The following TET3 variants were observed in gnomAD, a reference collection of about 807,000 sequenced individuals.
TET3 encodes the protein tet methylcytosine dioxygenase 3.
In TET3, 19 loss-of-function variants were observed where a neutral mutation model predicts 141.4. The observed-to-expected ratio is 0.13, with a 90% CI of 0.09 to 0.20. The LOEUF (loss-of-function observed/expected upper bound fraction) is 0.20, where lower values mean the gene tolerates loss of function less well. TET3 is among the 10% of genes least tolerant of loss of function. TET3 has a pLI of 1.00. For missense variants in TET3, 1,874 were observed against 2,356.9 expected, an observed-to-expected ratio of 0.80 and a Z score of 4.24; for synonymous variants, 1,043 against 980.9, an observed-to-expected ratio of 1.06 and a Z score of -1.18.
chr2:74,092,970 C>T lies in TET3; in HGVS notation c.3108C>T (p.Ala1036=). The T allele has an allele frequency of 1.3e-6, 2 of 1,577,414 alleles. No individual in the cohort carries two copies. The highest frequency in any genetic ancestry group is 1.7e-6 in the Non-Finnish European group (2 of 1,161,638). The change falls in exon 9 of 12, where the codon GCC becomes GCT. Residue 1036 remains alanine (A), a synonymous_variant. Coordinates refer to ENST00000409262, the MANE Select transcript of TET3 (RefSeq NM_001287491.2). ...TEVAPLYKRL[A]PQAYQNQVTN... is the part of the protein sequence containing the mutation. ...TCGCTCCCCTGTACAAGCGACTGGC[C>T]CCTCAGGCCTATCAGAACCAGGTAA... is the stretch of plus-strand genomic sequence containing the variant.
chr2:74,107,832 G>A lies in TET3; in HGVS notation c.*5656G>A, dbSNP rs983839276. The A allele has an allele frequency of 1.3e-5, 2 of 152,188 alleles. No individual in the cohort carries two copies. Among genetic ancestry groups the A allele is most frequent in the Non-Finnish European group, 2.9e-5 (2 of 68,016 alleles). 9.4% of individuals were successfully genotyped at this position (152,188 alleles called of 1,614,324 possible). A position where few individuals can be genotyped will look rare whatever the true frequency, so the allele number is the denominator to read the frequency against. ...GTTGATGGATGAATGGTAGATTTTT[G>A]CAATGTCTCAAGGCAATAGGATGTG... On this transcript the variant is annotated 3_prime_UTR_variant, in exon 12 of 12. Transcript: ENST00000409262.
intron 3 of TET3, among the ~76,000 whole-genome samples, chr2:74,013,303 A>AT (rs902056464): frequency 1.4e-4 from 21 of 151,582 alleles, no homozygotes; most frequent in African/African-American, 3.9e-4. Context: ...CTGATGGGGT[A>AT]TTTTTTTAAC....
At chr2:73,991,805 C>CAAAAAAAA (rs772400180) in intron 2 of TET3, among the ~76,000 whole-genome samples, 3 of 79,620 alleles carry the variant, frequency 3.8e-5, no homozygotes, top group African/African-American at 1.4e-4. Flanking sequence ...AACTCTGTCT[C>CAAAAAAAA]AAAAAAAAAA....
chr2:74,013,752 C>A (rs1685589733), intron 3 of TET3, among the ~76,000 whole-genome samples: 1 of 152,048 alleles, frequency 6.6e-6, no homozygotes, highest in Non-Finnish European at 1.5e-5. Flanking sequence ...GCGGAGCTTG[C>A]AGTGAGCCGA....
At chr2:74,003,187 CGTGTGT>C (rs1558701412) in intron 3 of TET3, 21 bp downstream of exon 3, 3 of 1,233,554 alleles carry the variant, frequency 2.4e-6, no homozygotes, top group Non-Finnish European at 3.4e-6. Context: ...TGTGTGCGTG[CGTGTGT>C]GTGCGTGTGT....
At position 74,100,691 on chromosome 2, in the gene TET3, G is replaced by C; in HGVS notation, c.3903G>C (p.Leu1301=). The C allele has an allele frequency of 6.2e-7, 1 of 1,614,006 alleles. No individual in the cohort carries two copies. Among genetic ancestry groups the C allele is most frequent in the Non-Finnish European group, 8.5e-7 (1 of 1,179,894 alleles). The change falls in exon 12 of 12, where the codon CTG becomes CTC. Residue 1301 remains leucine (L), a synonymous_variant. Coordinates refer to ENST00000409262, the MANE Select transcript of TET3 (RefSeq NM_001287491.2). ...SSNPVFPSQF[L]GPGAWGHSGS... ...ACCCCGTCTTCCCCTCTCAGTTCCTGGGTCCTGGTGCCTGGGGGCACAGTG... is the reference window on the plus strand; with the variant it reads ...ACCCCGTCTTCCCCTCTCAGTTCCTCGGTCCTGGTGCCTGGGGGCACAGTG...
intron 3 of TET3, among the ~76,000 whole-genome samples, chr2:74,014,666 C>T (rs371196304): frequency 1.3e-5 from 2 of 152,184 alleles, no homozygotes; most frequent in Middle Eastern, 3.4e-3. Context: ...AGAAAAGCCT[C>T]GTACATTAGC....
chr2:74,120,539 T>G, the TET3 span: 63,818 of 152,208 alleles, frequency 0.42, 14,856 homozygotes, highest in East Asian at 0.86. Context: ...GCAGGCGTCG[T>G]CGCGGGTTCT....
intron 4 of TET3, among the ~76,000 whole-genome samples, chr2:74,062,834 G>T (rs1688668844): frequency 6.7e-6 from 1 of 150,208 alleles, no homozygotes. Context: ...AGAAAAAAGA[G>T]AACCGTATGC....
intron 4 of TET3, among the ~76,000 whole-genome samples, chr2:74,058,043 A>AT (rs1290447391): frequency 6.6e-6 from 1 of 152,250 alleles, no homozygotes; most frequent in African/African-American, 2.4e-5. Flanking sequence ...CAAATAAAAA[A>AT]TGAAAGATGA....
intron 2 of TET3, among the ~76,000 whole-genome samples, chr2:73,995,927 G>A (rs1010445281): frequency 3.3e-5 from 5 of 152,092 alleles, no homozygotes; most frequent in South Asian, 4.2e-4. Flanking sequence ...TTGAAGGCAC[G>A]GCCATGCTTT....
intron 8 of TET3, among the ~76,000 whole-genome samples, chr2:74,092,083 C>T (rs1047972107): frequency 1.3e-5 from 2 of 152,194 alleles, no homozygotes; most frequent in Non-Finnish European, 2.9e-5. Flanking sequence ...GTGGTTGGAT[C>T]ACCTGAGGTC....
At chr2:74,077,603 G>T (rs1289632472) in intron 5 of TET3, among the ~76,000 whole-genome samples, 1 of 151,998 alleles carries the variant, frequency 6.6e-6, no homozygotes, top group East Asian at 1.9e-4. Context: ...TAAACACAAA[G>T]AGACAGTCAG....
intron 3 of TET3, among the ~76,000 whole-genome samples, chr2:74,042,451 C>G (rs1454984881): frequency 6.6e-6 from 1 of 152,182 alleles, no homozygotes; most frequent in Non-Finnish European, 1.5e-5. Flanking sequence ...AAGTGTGGAT[C>G]TTCAAGAAAA....
At chr2:74,027,289 T>G (rs1394106757) in intron 3 of TET3, among the ~76,000 whole-genome samples, 1 of 152,174 alleles carries the variant, frequency 6.6e-6, no homozygotes, top group Non-Finnish European at 1.5e-5. Flanking sequence ...TTTCTCGTTT[T>G]CTTAGCCTTT....
At chr2:73,994,289 G>A (rs1004561683) in intron 2 of TET3, among the ~76,000 whole-genome samples, 1 of 152,156 alleles carries the variant, frequency 6.6e-6, no homozygotes, top group Non-Finnish European at 1.5e-5. Context: ...GATGAGTAGA[G>A]GAACACAGGC....
Position 74,097,314 on chromosome 2 carries a change from C to T in TET3, c.3268-1962C>T, listed in dbSNP as rs182352967. ...GCTCCAACTGCTACAATATTTGTAA[C>T]GTGATAAAGAAATTATAACTTTAAT... On this transcript the variant is annotated intron_variant, in intron 10 of 11. Transcript: ENST00000409262. Among the ~76,000 whole-genome samples the T allele has an allele frequency of 6.6e-5, 10 of 151,152 alleles. No individual in the cohort carries two copies. In the East Asian group the frequency reaches 1.6e-3, roughly 23 times the overall value.
At chr2:74,080,659 G>A in intron 6 of TET3, 68 bp downstream of exon 6, 1 of 1,232,230 alleles carries the variant, frequency 8.1e-7, no homozygotes, top group South Asian at 1.3e-5. Context: ...CCACGGCTGT[G>A]CCTGGTTCCC....
chr2:74,135,325 C>G, the TET3 span: 2 of 479,724 alleles, frequency 4.2e-6, no homozygotes, highest in Non-Finnish European at 3.5e-6. Flanking sequence ...ACTGCATTCT[C>G]TCTCTGTAGC....
Sources: gnomAD v4.1 joint callset for allele counts (sites outside exome capture counted in the v4.1 genomes callset) on GRCh38, gnomAD v4.1.1 for gene constraint, MANE v1.5 for transcripts, NCBI Gene and HGNC (gene_info 2026-07-23, HGNC 2026-07-21) for gene names.